Variants in DNAH5 observed in about 807,000 individuals in gnomAD.
DNAH5 encodes dynein axonemal heavy chain 5.
In DNAH5, 372 loss-of-function variants were observed where a neutral mutation model predicts 518.2. That is an observed-to-expected ratio of 0.72 (90% CI 0.66 to 0.78). The LOEUF is 0.78. Among genes scored for constraint, DNAH5 ranks in the 30% least tolerant of loss-of-function variants. DNAH5 has a pLI of 0.00. For missense variants in DNAH5, 5,523 were observed against 5,687.0 expected (o/e 0.97, Z 0.93); for synonymous variants, 2,039 against 2,025.9 (o/e 1.01, Z -0.17).
chr5:13,890,924 G>A, intron 17 of DNAH5, 52 bp downstream of exon 17: 1 of 1,608,596 alleles, frequency 6.2e-7, no homozygotes, highest in Non-Finnish European at 8.5e-7. Flanking sequence ...GACCTTTATA[G>A]GAAAATGAAT....
At chr5:13,992,903 T>C (rs554042789) in intron 1 of DNAH5, among the ~76,000 whole-genome samples, 2 of 152,336 alleles carry the variant, frequency 1.3e-5, no homozygotes, top group African/African-American at 2.4e-5. Context: ...CAATCATCAC[T>C]ACAGAGACTG....
At chr5:13,946,616 A>G (rs1779945707), upstream of DNAH5, among the ~76,000 whole-genome samples, 1 of 152,244 alleles carries the variant, frequency 6.6e-6, no homozygotes, top group Non-Finnish European at 1.5e-5. Flanking sequence ...CAAGAGCTTC[A>G]GCTGGCAGGG....
chr5:13,890,934 T>C, intron 17 of DNAH5, 42 bp downstream of exon 17: 1 of 1,611,982 alleles, frequency 6.2e-7, no homozygotes. Flanking sequence ...GGAAAATGAA[T>C]CACCAAAAAC....
In DNAH5 at chr5:13,820,471, G is replaced by A; in HGVS notation, c.6716C>T (p.Pro2239Leu). 1.9e-6 allele frequency: 3 copies of A among 1,614,080 alleles called. No individual in the cohort carries two copies. The highest frequency in any genetic ancestry group is 1.7e-6 in the Non-Finnish European group (2 of 1,180,034). ...QVEEAGLINH[P>L]PWKLKVIQLF... is the part of the protein sequence containing the mutation. ...CTGGATGACCTTCAGTTTCCAAGGA[G>A]GATGGTTGATTAAACCAGCTTCTTC... Residue 2239 changes from proline (P) to leucine (L), a missense_variant, in exon 41 of 79, where the codon CCT becomes CTT. Transcript: ENST00000265104.
intron 30 of DNAH5, among the ~76,000 whole-genome samples, chr5:13,851,936 G>C (rs997142649): frequency 6.6e-6 from 1 of 151,898 alleles, no homozygotes; most frequent in Non-Finnish European, 1.5e-5. Flanking sequence ...AAGTAGAAGC[G>C]GGGTGGGGCG....
At chr5:13,974,414 C>T (rs977197892) in intron 1 of DNAH5, among the ~76,000 whole-genome samples, 1 of 152,182 alleles carries the variant, frequency 6.6e-6, no homozygotes, top group African/African-American at 2.4e-5. Flanking sequence ...CATGAGCCAT[C>T]ATGCCCAGCA....
chr5:13,754,836 C>A (rs1580075645), intron 61 of DNAH5, among the ~76,000 whole-genome samples: 1 of 152,016 alleles, frequency 6.6e-6, no homozygotes, highest in African/African-American at 2.4e-5. Context: ...CCGCACCTGA[C>A]CAGTGCTTAG....
At position 13,876,793 on chromosome 5, in the gene DNAH5, T is replaced by C. The variant is rs775880713; in HGVS notation, c.3287A>G (p.Asn1096Ser). Residue 1096 changes from asparagine to serine, a missense_variant, in exon 22 of 79, where the codon AAT (asparagine) becomes AGT (serine). Asn to Ser is a conservative substitution (Grantham distance 46, BLOSUM62 1). Around this residue, in one of 3 missense-constraint regions of DNAH5, gnomAD observed 5,121 missense variants for 5,223.3 expected, o/e 0.98. Transcript: ENST00000265104. The part of the protein sequence containing the change: ...LQDTLEIASV[N>S]LPIPVQTKNY... ...CTTGGTTTGCACGGGAATGGGTAAA[T>C]TTACAGATGCTATCTCCAAGGTATC... The C allele has an allele frequency of 1.2e-6, 2 of 1,613,668 alleles. No individual in the cohort carries two copies. The highest frequency in any genetic ancestry group is 3.3e-5 in the Admixed American group (2 of 59,958).
chr5:13,766,831 C>T (rs951298713), intron 58 of DNAH5, among the ~76,000 whole-genome samples: 2 of 152,156 alleles, frequency 1.3e-5, no homozygotes, highest in African/African-American at 4.8e-5. Flanking sequence ...ATAATAACTG[C>T]TCAATCACCT....
intron 50 of DNAH5, 38 bp from the exon 51 acceptor site, chr5:13,788,952 G>C (rs368349728): frequency 2.5e-5 from 39 of 1,573,250 alleles, no homozygotes; most frequent in Non-Finnish European, 6.1e-6. Context: ...AGTAATTCCT[G>C]TTATGCCGTA....
chr5:13,848,471 A>C (rs1450788143), intron 31 of DNAH5, among the ~76,000 whole-genome samples: 2 of 152,040 alleles, frequency 1.3e-5, no homozygotes, highest in African/African-American at 4.8e-5. Flanking sequence ...AGCGCATTAT[A>C]TTTACTGTGT....
Position 13,824,457 on chromosome 5 carries a change from T to C in DNAH5, c.6445-124A>G, listed in dbSNP as rs1049077997. ...TGCTGATTTTCCTTCAGAAAATGCA[T>C]ACACACAATGGGGTAAAATATTTCT... On this transcript the variant is annotated intron_variant, in intron 38 of 78. Coordinates refer to ENST00000265104, the MANE Select transcript of DNAH5 (RefSeq NM_001369.3). 4 of 918,514 alleles carry C rather than the reference T, an allele frequency of 4.4e-6. No individual in the cohort carries two copies. The South Asian group carries it at 5.7e-5, about 13-fold the overall frequency. The allele number at this position is 918,514 out of a possible 1,614,324, so 56.9% of individuals were successfully genotyped here.
Position 13,820,359 on chromosome 5 carries a change from C to A in DNAH5, c.6828G>T (p.Met2276Ile). 6.2e-7 allele frequency: 1 copy of A among 1,611,028 alleles called. No homozygotes were observed. Among genetic ancestry groups the A allele is most frequent in the Non-Finnish European group, 8.5e-7 (1 of 1,180,018 alleles). Residue 2276 changes from methionine to isoleucine, a missense_variant, in exon 41 of 79, where the codon ATG (methionine) becomes ATT (isoleucine). Physicochemically the swap from Met to Ile is conservative, Grantham distance 10 (BLOSUM62 1). This residue lies in a region of DNAH5 where 5,121 missense variants were observed against 5,223.3 expected (regional missense o/e 0.98). Transcript: ENST00000265104. ...GCTGCCCTGTACCTGTCATGGCTCT[C>A]ATCAAGGTGTGGATGCAGGTGGTCT... ...AGKTTCIHTLMRAMTDCGKPH... is the reference protein window; with the variant it reads ...AGKTTCIHTLIRAMTDCGKPH...
At chr5:13,811,447 G>A (rs539388654) in intron 44 of DNAH5, among the ~76,000 whole-genome samples, 200 bp downstream of exon 44, 18 of 152,206 alleles carry the variant, frequency 1.2e-4, no homozygotes, top group African/African-American at 4.1e-4. Flanking sequence ...TTTTGTTAAA[G>A]GGATATGAAA....
intron 78 of DNAH5, among the ~76,000 whole-genome samples, 166 bp from the exon 79 acceptor site, chr5:13,692,301 G>C (rs1479851906): frequency 6.6e-6 from 1 of 152,156 alleles, no homozygotes; most frequent in Non-Finnish European, 1.5e-5. Context: ...ATGTGAGGCA[G>C]ATGCTCCCAC....
chr5:13,730,014 C>G (rs1746269611), intron 68 of DNAH5, among the ~76,000 whole-genome samples: 1 of 152,188 alleles, frequency 6.6e-6, no homozygotes, highest in Non-Finnish European at 1.5e-5. Context: ...ATTCAATACA[C>G]ACTTTATCTA....
chr5:13,936,621 G>A (rs1339966666), intron 1 of DNAH5, among the ~76,000 whole-genome samples: 1 of 152,222 alleles, frequency 6.6e-6, no homozygotes, highest in Non-Finnish European at 1.5e-5. Flanking sequence ...GTTTGTGAGG[G>A]TTAAATTGCA....
Position 13,749,056 on chromosome 5 carries a change from T to C in DNAH5, c.11211+2022A>G, listed in dbSNP as rs549894479. Reference sequence around the variant, plus strand: ...AGCAGTGTTAGCAGATTCAGGAATATGCTGGGAAGTGAAGAAGCTGCAAAA... The same window carrying C: ...AGCAGTGTTAGCAGATTCAGGAATACGCTGGGAAGTGAAGAAGCTGCAAAA... On this transcript the variant is annotated intron_variant, in intron 65 of 78. Transcript: ENST00000265104. Among the ~76,000 whole-genome samples the C allele has an allele frequency of 6.6e-5, 10 of 151,842 alleles. No individual in the cohort carries two copies. The South Asian group carries it at 2.1e-3, about 32-fold the overall frequency.
At chr5:13,835,349 G>A (rs1764230596) in intron 35 of DNAH5, among the ~76,000 whole-genome samples, 1 of 152,082 alleles carries the variant, frequency 6.6e-6, no homozygotes, top group South Asian at 2.1e-4. Flanking sequence ...GGAGTCCTCG[G>A]TAAGGTTTGT....
Sources: gnomAD v4.1 joint callset for allele counts (sites outside exome capture counted in the v4.1 genomes callset) on GRCh38, gnomAD v4.1.1 for gene constraint, gnomAD v4.1.1 regional missense constraint, MANE v1.5 for transcripts, NCBI Gene and HGNC (gene_info 2026-07-23, HGNC 2026-07-21) for gene names.